ROR1: variants seen among roughly 807,000 people sequenced by gnomAD.
ROR1 encodes the protein ROR family WNT receptor 1.
In ROR1, 19 loss-of-function variants were observed where a neutral mutation model predicts 78.8. That is an observed-to-expected ratio of 0.24 (90% CI 0.17 to 0.35). The LOEUF (loss-of-function observed/expected upper bound fraction) is 0.35, where lower values mean the gene tolerates loss of function less well. Ranked by LOEUF, ROR1 falls within the 10% of genes least tolerant of loss-of-function variation. The probability of loss-of-function intolerance (pLI) is 1.00; values close to 1 mark genes in which losing one functional copy is unlikely to be tolerated. For synonymous variants in ROR1, 386 were observed against 433.6 expected (o/e 0.89, Z 1.36); for missense variants, 917 against 1,177.8 (o/e 0.78, Z 3.24).
At chr1:64,061,976 C>T (rs1160327404) in intron 4 of ROR1, among the ~76,000 whole-genome samples, 2 of 152,186 alleles carry the variant, frequency 1.3e-5, no homozygotes, top group African/African-American at 2.4e-5. Flanking sequence ...GCATTCTAAA[C>T]AAGATCTTAT....
chr1:63,842,731 G>A (rs1177270362), intron 1 of ROR1, among the ~76,000 whole-genome samples: 1 of 151,734 alleles, frequency 6.6e-6, no homozygotes, highest in African/African-American at 2.4e-5. Flanking sequence ...TCCATGAGTA[G>A]CAGTGACCAG....
intron 1 of ROR1, among the ~76,000 whole-genome samples, chr1:63,778,910 C>T (rs931237859): frequency 6.6e-6 from 1 of 152,228 alleles, no homozygotes; most frequent in Non-Finnish European, 1.5e-5. Flanking sequence ...TTAATTCTTA[C>T]AATTTATATT....
intron 4 of ROR1, among the ~76,000 whole-genome samples, chr1:64,098,477 C>T (rs1647389944): frequency 6.6e-6 from 1 of 152,210 alleles, no homozygotes; most frequent in Admixed American, 6.5e-5. Flanking sequence ...TCTGCTGCCC[C>T]TCCACATGCC....
intron 1 of ROR1, among the ~76,000 whole-genome samples, chr1:63,855,765 C>A (rs1645144373): frequency 6.6e-6 from 1 of 151,874 alleles, no homozygotes; most frequent in Non-Finnish European, 1.5e-5. Context: ...TCTCCTGCCT[C>A]AGCCTCCCAA....
At chr1:64,112,366 G>GAA (rs77074309) in intron 4 of ROR1, among the ~76,000 whole-genome samples, 1 of 151,366 alleles carries the variant, frequency 6.6e-6, no homozygotes, top group Non-Finnish European at 1.5e-5. Flanking sequence ...CTGGGGCACA[G>GAA]AAAAAAAAAG....
intron 4 of ROR1, among the ~76,000 whole-genome samples, chr1:64,126,148 G>C (rs1013705770): frequency 1.3e-5 from 2 of 152,288 alleles, no homozygotes; most frequent in African/African-American, 4.8e-5. Flanking sequence ...AATGAGAATG[G>C]ATTTCCTGGA....
intron 6 of ROR1, 97 bp downstream of exon 6, chr1:64,140,523 G>A: frequency 2.6e-6 from 3 of 1,137,138 alleles, no homozygotes; most frequent in Non-Finnish European, 3.8e-6. Flanking sequence ...TTTTCATACT[G>A]TTAATCAAAT....
intron 1 of ROR1, among the ~76,000 whole-genome samples, chr1:63,954,942 A>G (rs984605714): frequency 3.9e-5 from 6 of 152,222 alleles, no homozygotes; most frequent in African/African-American, 1.4e-4. Context: ...AACGAAAAAC[A>G]TGGAAGATAG....
At chr1:64,142,013 C>T (rs1649331796) in intron 6 of ROR1, among the ~76,000 whole-genome samples, 1 of 152,180 alleles carries the variant, frequency 6.6e-6, no homozygotes, top group Non-Finnish European at 1.5e-5. Flanking sequence ...TTCCTTATTA[C>T]ATGATTTCAT....
chr1:63,867,872 AT>A (rs1645226579), intron 1 of ROR1, among the ~76,000 whole-genome samples: 1 of 152,216 alleles, frequency 6.6e-6, no homozygotes, highest in Admixed American at 6.5e-5. Flanking sequence ...TCTTTTCCCG[AT>A]TCCGGCTGTC....
chr1:63,796,597 T>A lies in ROR1; in HGVS notation c.91+22089T>A, dbSNP rs112119556. ...CATCAAACATTCTACATAAAATGGG[T>A]GTATCATCTCTTACCCTTTAAAAGT... On this transcript the variant is annotated intron_variant, in intron 1 of 8. Coordinates refer to ENST00000371079, the MANE Select transcript of ROR1 (RefSeq NM_005012.4). Among the ~76,000 whole-genome samples the A allele has an allele frequency of 5.4e-3, 820 of 152,280 alleles. 13 individuals are homozygous for A. Among genetic ancestry groups the A allele is most frequent in the African/African-American group, 0.019 (775 of 41,562 alleles).
intron 4 of ROR1, among the ~76,000 whole-genome samples, chr1:64,131,559 A>G (rs1648914026): frequency 6.6e-6 from 1 of 150,980 alleles, no homozygotes; most frequent in Non-Finnish European, 1.5e-5. Context: ...TTTTTTTTTT[A>G]ATTAAGGTGG....
chr1:63,924,065 A>T (rs1645679276), intron 1 of ROR1, among the ~76,000 whole-genome samples: 1 of 152,196 alleles, frequency 6.6e-6, no homozygotes, highest in Admixed American at 6.5e-5. Flanking sequence ...TATCTGGTTA[A>T]CAGTTCACTT....
intron 2 of ROR1, among the ~76,000 whole-genome samples, chr1:64,031,910 CTT>C (rs376056411): frequency 2.0e-5 from 3 of 146,716 alleles, no homozygotes; most frequent in African/African-American, 5.0e-5. Flanking sequence ...CTATGAAACT[CTT>C]TTTTTTTTTC....
intron 1 of ROR1, among the ~76,000 whole-genome samples, chr1:63,923,853 A>G (rs1401732833): frequency 1.3e-5 from 2 of 151,602 alleles, no homozygotes; most frequent in Non-Finnish European, 2.9e-5. Flanking sequence ...CTCGATACCC[A>G]GCTCACTGTG....
intron 4 of ROR1, chr1:64,113,760 C>A (rs6677505): frequency 6.7e-6 from 1 of 148,642 alleles, no homozygotes; most frequent in South Asian, 2.1e-4. Flanking sequence ...ACCCAGGTAC[C>A]AATTTATTCT....
At chr1:63,986,962 G>T (rs1019841899) in intron 1 of ROR1, among the ~76,000 whole-genome samples, 18 of 151,910 alleles carry the variant, frequency 1.2e-4, no homozygotes, top group Admixed American at 7.9e-4. Context: ...ATGGGAGGTG[G>T]GCAGCAGCAG....
chr1:64,046,731 C>T (rs940672859), intron 2 of ROR1, among the ~76,000 whole-genome samples: 5 of 152,164 alleles, frequency 3.3e-5, no homozygotes, highest in Non-Finnish European at 7.4e-5. Context: ...CTCATGGTAC[C>T]AAATCTCAGC....
chr1:63,828,331 T>A (rs189526304), intron 1 of ROR1, among the ~76,000 whole-genome samples: 2 of 152,370 alleles, frequency 1.3e-5, no homozygotes, highest in East Asian at 3.9e-4. Context: ...ATAGGGCTTT[T>A]GTCTTTATTA....
Sources: gnomAD v4.1 joint callset for allele counts (sites outside exome capture counted in the v4.1 genomes callset) on GRCh38, gnomAD v4.1.1 for gene constraint, MANE v1.5 for transcripts, NCBI Gene and HGNC (gene_info 2026-07-23, HGNC 2026-07-21) for gene names.